Variants in ELAC1 observed in about 807,000 individuals in gnomAD.
The protein encoded by ELAC1 is zinc phosphodiesterase ELAC protein 1.
ELAC1 carries 19 observed loss-of-function variants against 25.8 expected under a neutral mutation model. That is an observed-to-expected ratio of 0.74 (90% CI 0.51 to 1.08). ELAC1 has a LOEUF of 1.08. ELAC1 is among the 50% of genes least tolerant of loss of function. The pLI, the probability that ELAC1 is intolerant of heterozygous loss-of-function variation, is 0.00. For missense variants in ELAC1, 403 were observed against 434.6 expected (o/e 0.93, Z 0.65); for synonymous variants, 148 against 160.9 (o/e 0.92, Z 0.61).
At chr18:50,974,709 G>A (rs2144310664) in intron 2 of ELAC1, 148 bp downstream of exon 2, 1 of 686,912 alleles carries the variant, frequency 1.5e-6, no homozygotes, top group East Asian at 2.9e-5. Context: ...AAGGCCTGCA[G>A]GCATCTGGCC....
At chr18:50,977,919 C>T (rs984843890) in intron 2 of ELAC1, among the ~76,000 whole-genome samples, 7 of 152,184 alleles carry the variant, frequency 4.6e-5, no homozygotes, top group Non-Finnish European at 1.0e-4. Flanking sequence ...TAAAGCATCT[C>T]TCTCAAGTTC....
rs1908150150 is a variant in ELAC1, at chr18:50,987,704, TG to T, written c.*620del. On this transcript the variant is annotated 3_prime_UTR_variant, in exon 4 of 4. Coordinates refer to ENST00000269466, the MANE Select transcript of ELAC1 (RefSeq NM_018696.3). ...AGAAGCAGGTTTGAAATTATGGGTA[TG>T]TTTTCTTGTCACAGTGACTGAGTAC... is the stretch of plus-strand genomic sequence containing the variant. 6.6e-6 allele frequency: 1 copy of T among 152,238 alleles called. No homozygotes were observed. Among genetic ancestry groups the T allele is most frequent in the African/African-American group, 2.4e-5 (1 of 41,462 alleles). 9.4% of individuals were successfully genotyped at this position (152,238 alleles called of 1,614,324 possible).
intron 2 of ELAC1, among the ~76,000 whole-genome samples, chr18:50,980,779 A>G (rs866494824): frequency 1.5e-4 from 23 of 151,180 alleles, no homozygotes; most frequent in Admixed American, 9.9e-4. Context: ...AAAAAAAAAA[A>G]AAAGAAAAAT....
At chr18:50,975,352 C>T (rs1236444151) in intron 2 of ELAC1, among the ~76,000 whole-genome samples, 1 of 151,984 alleles carries the variant, frequency 6.6e-6, no homozygotes, top group African/African-American at 2.4e-5. Context: ...TTCCCAAATC[C>T]TCCTGGATTA....
At chr18:50,986,512 AT>A (rs1908112154) in intron 3 of ELAC1, 106 bp from the exon 4 acceptor site, 2 of 863,654 alleles carry the variant, frequency 2.3e-6, no homozygotes, top group South Asian at 3.7e-5. Context: ...ATTTATAACA[AT>A]TATGGATGCC....
rs375005345 is a variant in ELAC1, at chr18:50,984,469, A to T, written c.531A>T (p.Ala177=). 1.2e-6 allele frequency: 2 copies of T among 1,612,320 alleles called. No individual in the cohort carries two copies. Among genetic ancestry groups the T allele is most frequent in the African/African-American group, 2.7e-5 (2 of 74,806 alleles). The change falls in exon 3 of 4, where the codon GCA becomes GCT. Residue 177 remains alanine (A), a synonymous_variant. Coordinates refer to ENST00000269466, the MANE Select transcript of ELAC1 (RefSeq NM_018696.3). ...ATGATGAACAATTTGTTGTAAAAGC[A>T]TTTCGCCTCTTTCACAGAATTCCCT... ...LFDDEQFVVK[A]FRLFHRIPSF... is the part of the protein sequence containing the mutation.
intron 2 of ELAC1, among the ~76,000 whole-genome samples, chr18:50,979,559 G>A (rs901352885): frequency 2.0e-5 from 3 of 152,040 alleles, no homozygotes; most frequent in African/African-American, 4.8e-5. Context: ...TAAAGTAATC[G>A]CATTGCATTC....
At chr18:50,983,852 C>CT (rs199837563) in intron 2 of ELAC1, among the ~76,000 whole-genome samples, 1,611 of 148,288 alleles carry the variant, frequency 0.011, 16 homozygotes, top group Non-Finnish European at 0.018. Context: ...AGACCTGTCT[C>CT]TTTAAAAAAA....
At chr18:50,977,394 C>T (rs772365127) in intron 2 of ELAC1, among the ~76,000 whole-genome samples, 4 of 152,226 alleles carry the variant, frequency 2.6e-5, no homozygotes, top group South Asian at 2.1e-4. Context: ...GACTTCTGTG[C>T]ACCCGCAGGC....
chr18:50,977,336 C>T lies in ELAC1; in HGVS notation c.157+2775C>T, dbSNP rs1907819840. Reference sequence around the variant, plus strand: ...TTTCTGCCTGGACATCCAGATGTTTCCATACATCCTCTGAAATCTAGGTGG... The same window carrying T: ...TTTCTGCCTGGACATCCAGATGTTTTCATACATCCTCTGAAATCTAGGTGG... On this transcript the variant is annotated intron_variant, in intron 2 of 3. Transcript: ENST00000269466. Among the ~76,000 whole-genome samples, 5 of 152,344 alleles carry T rather than the reference C, an allele frequency of 3.3e-5. No homozygotes were observed. In the South Asian group the frequency reaches 1.0e-3, roughly 32 times the overall value.
At chr18:50,981,843 C>CTTTTTTT (rs750956755) in intron 2 of ELAC1, among the ~76,000 whole-genome samples, 2 of 117,872 alleles carry the variant, frequency 1.7e-5, no homozygotes, top group African/African-American at 3.2e-5. Flanking sequence ...TGCTATAGTT[C>CTTTTTTT]TTTTTTTTTT....
chr18:50,979,000 C>T (rs1173208846), intron 2 of ELAC1, among the ~76,000 whole-genome samples: 6 of 152,208 alleles, frequency 3.9e-5, no homozygotes, highest in Non-Finnish European at 7.3e-5. Context: ...TGAGAACCTT[C>T]ATGAGAGCCC....
At chr18:50,978,106 TC>T (rs1447407757) in intron 2 of ELAC1, among the ~76,000 whole-genome samples, 3 of 152,232 alleles carry the variant, frequency 2.0e-5, no homozygotes, top group Non-Finnish European at 4.4e-5. Context: ...TCCCATGTCT[TC>T]CTGTCTTCTG....
chr18:50,977,304 CA>C (rs1907818977), intron 2 of ELAC1, among the ~76,000 whole-genome samples: 1 of 152,250 alleles, frequency 6.6e-6, no homozygotes, highest in African/African-American at 2.4e-5. Flanking sequence ...TCCACCCCTG[CA>C]GAAGATTTCT....
intron 2 of ELAC1, among the ~76,000 whole-genome samples, chr18:50,978,971 C>T (rs373729054): frequency 3.9e-5 from 6 of 152,192 alleles, no homozygotes; most frequent in Non-Finnish European, 8.8e-5. Context: ...TTTCTTGGAT[C>T]GTACAGAGAT....
At chr18:50,970,768 A>C (rs1019716458) in intron 1 of ELAC1, among the ~76,000 whole-genome samples, 1 of 152,162 alleles carries the variant, frequency 6.6e-6, no homozygotes, top group African/African-American at 2.4e-5. Flanking sequence ...ATTGAAACAT[A>C]ATGCAATAAA....
rs1343236863 is a variant in ELAC1, at chr18:50,981,077, CCA to C, written c.158-3013_158-3012del. On this transcript the variant is annotated intron_variant, in intron 2 of 3. Coordinates refer to ENST00000269466, the MANE Select transcript of ELAC1 (RefSeq NM_018696.3). The stretch of plus-strand genomic sequence containing the variant: ...CCATCAGGTAACTAATTATCCCTCA[CCA>C]CACACCCCCACCCCCCGCCACCCTC... 4.0e-5 allele frequency among the ~76,000 whole-genome samples: 6 copies of C among 150,460 alleles called. No homozygotes were observed. In the South Asian group the frequency reaches 8.3e-4, roughly 21 times the overall value.
chr18:50,974,601 T>C, intron 2 of ELAC1, 40 bp downstream of exon 2: 1 of 1,599,090 alleles, frequency 6.3e-7, no homozygotes, highest in Non-Finnish European at 8.6e-7. Context: ...ATTTTTTTGT[T>C]GTTCTGCTTC....
chr18:50,978,934 G>A (rs1907867089), intron 2 of ELAC1, among the ~76,000 whole-genome samples: 1 of 152,190 alleles, frequency 6.6e-6, no homozygotes, highest in Non-Finnish European at 1.5e-5. Context: ...TTGAAACTTT[G>A]AGATAATTCA....
Sources: allele counts gnomAD v4.1 joint callset (sites outside exome capture counted in the v4.1 genomes callset), GRCh38; gene constraint gnomAD v4.1.1; transcripts MANE v1.5; gene names NCBI Gene and HGNC (gene_info 2026-07-23, HGNC 2026-07-21).